Variants in EPHA6 observed in about 807,000 individuals in gnomAD.
The protein encoded by EPHA6 is EPH receptor A6, also known as ephrin type-A receptor 6.
Under a neutral mutation model 112.0 loss-of-function variants are expected in EPHA6, and 50 were observed. The ratio of observed to expected loss-of-function variants is 0.45; its 90% CI spans 0.36 to 0.56. The LOEUF is 0.56. EPHA6 is among the 20% of genes least tolerant of loss of function. EPHA6 has a pLI of 0.00. For synonymous variants in EPHA6, 529 were observed against 490.7 expected, an observed-to-expected ratio of 1.08 and a Z score of -1.03; for missense variants, 1,280 against 1,417.4, an observed-to-expected ratio of 0.90 and a Z score of 1.56.
At chr3:97,092,518 A>G (rs1304503552) in intron 3 of EPHA6, among the ~76,000 whole-genome samples, 2 of 152,024 alleles carry the variant, frequency 1.3e-5, no homozygotes, top group East Asian at 3.9e-4. Flanking sequence ...GTTTCTTTCA[A>G]TGAATGTGGA....
intron 14 of EPHA6, among the ~76,000 whole-genome samples, chr3:97,685,063 A>G (rs1362143433): frequency 2.0e-5 from 3 of 152,204 alleles, no homozygotes; most frequent in Admixed American, 6.5e-5. Context: ...ATGACAGCTG[A>G]TAAAGAAATT....
intron 5 of EPHA6, among the ~76,000 whole-genome samples, chr3:97,359,563 A>C (rs1046402852): frequency 3.3e-5 from 5 of 151,004 alleles, no homozygotes; most frequent in African/African-American, 7.3e-5. Flanking sequence ...GGTCTTTTTC[A>C]GGGACAGTTT....
chr3:97,690,276 G>A (rs754087068), intron 14 of EPHA6, among the ~76,000 whole-genome samples: 2 of 152,176 alleles, frequency 1.3e-5, no homozygotes, highest in Non-Finnish European at 2.9e-5. Context: ...AGGAATGAGG[G>A]TTCTAATTTC....
intron 16 of EPHA6, chr3:97,745,612 AC>A (rs1237886149): frequency 5.4e-6 from 1 of 185,448 alleles, no homozygotes; most frequent in Non-Finnish European, 1.1e-5. Flanking sequence ...AAAGAATACA[AC>A]CCCACCCTGT....
At chr3:97,647,904 TA>T (rs1470435716) in intron 14 of EPHA6, among the ~76,000 whole-genome samples, 1 of 152,108 alleles carries the variant, frequency 6.6e-6, no homozygotes, top group African/African-American at 2.4e-5. Flanking sequence ...CCTATTTACC[TA>T]AAAAGAACAT....
In EPHA6 at chr3:97,221,308, C is replaced by CAAA. The variant is rs57025573; in HGVS notation, c.1115-4929_1115-4927dup. 8.5e-4 allele frequency among the ~76,000 whole-genome samples: 14 copies of CAAA among 16,402 alleles called. 2 individuals carry two copies. Among genetic ancestry groups the CAAA allele is most frequent in the Non-Finnish European group, 1.6e-3 (9 of 5,566 alleles). 10.8% of individuals were successfully genotyped at this position (16,402 alleles called of 152,430 possible). On this transcript the variant is annotated intron_variant, in intron 3 of 17. Coordinates refer to ENST00000389672, the MANE Select transcript of EPHA6 (RefSeq NM_001080448.3). ...CTGGTGACAGAGCAAGACTCTGTCT[C>CAAA]AAAAAAAAAAAAAAAAAAAAAAAAA...
intron 1 of EPHA6, among the ~76,000 whole-genome samples, chr3:96,840,713 C>T (rs988974584): frequency 2.6e-5 from 4 of 151,964 alleles, no homozygotes; most frequent in African/African-American, 7.2e-5. Flanking sequence ...AGTACTGAGT[C>T]CTGATTACCG....
chr3:97,293,333 G>A (rs78768539), intron 5 of EPHA6, among the ~76,000 whole-genome samples: 4,044 of 152,224 alleles, frequency 0.027, 173 homozygotes, highest in African/African-American at 0.091. Context: ...GGAGACCCAG[G>A]GTAGGTTGCT....
At chr3:97,438,719 G>A (rs993579660) in intron 6 of EPHA6, among the ~76,000 whole-genome samples, 1 of 152,072 alleles carries the variant, frequency 6.6e-6, no homozygotes, top group Non-Finnish European at 1.5e-5. Flanking sequence ...TCATTGCCCT[G>A]GAATAAATGC....
chr3:97,370,205 G>C (rs1041420382), intron 5 of EPHA6, among the ~76,000 whole-genome samples: 2 of 152,154 alleles, frequency 1.3e-5, no homozygotes, highest in African/African-American at 4.8e-5. Context: ...CATTAATGGA[G>C]ATGATTTGAT....
chr3:96,814,632 C>T lies in EPHA6; in HGVS notation c.9C>T (p.Phe3=), dbSNP rs1467966236. 6.8e-7 allele frequency: 1 copy of T among 1,468,642 alleles called. No homozygotes were observed. Among genetic ancestry groups the T allele is most frequent in the South Asian group, 1.5e-5 (1 of 68,252 alleles). 91.0% of individuals were successfully genotyped at this position (1,468,642 alleles called of 1,614,324 possible). Residue 3 remains phenylalanine, a synonymous_variant, in exon 1 of 18, where the codon TTC becomes TTT. Coordinates refer to ENST00000389672, the MANE Select transcript of EPHA6 (RefSeq NM_001080448.3). ...GCGGGACACTGTGGTGGATGCAATT[C>T]CCCTCGCCTCCAGCCGCGAGGAGCT... The part of the protein sequence containing the change: MQ[F]PSPPAARSSP...
At chr3:96,967,970 CTGTATCCTTTGTCTTCTG>C (rs987489968) in intron 2 of EPHA6, among the ~76,000 whole-genome samples, 8 of 151,756 alleles carry the variant, frequency 5.3e-5, no homozygotes, top group South Asian at 4.1e-4. Flanking sequence ...CCTTTGTCTT[CTGTATCCTTTGTCTTCTG>C]TTATGAGCTA....
At chr3:97,656,421 T>A (rs577035395) in intron 14 of EPHA6, among the ~76,000 whole-genome samples, 11 of 152,042 alleles carry the variant, frequency 7.2e-5, no homozygotes, top group African/African-American at 2.6e-4. Context: ...CCATAGGGCC[T>A]ACCATAAGCC....
intron 3 of EPHA6, among the ~76,000 whole-genome samples, chr3:97,207,228 T>G (rs957250086): frequency 2.0e-5 from 3 of 152,136 alleles, no homozygotes; most frequent in African/African-American, 4.8e-5. Flanking sequence ...ATAAAAAAAT[T>G]GGTTGTATAA....
intron 16 of EPHA6, among the ~76,000 whole-genome samples, chr3:97,738,083 T>A (rs1023641551): frequency 6.6e-6 from 1 of 151,892 alleles, no homozygotes; most frequent in Non-Finnish European, 1.5e-5. Flanking sequence ...GCATTTTCAA[T>A]ACAGTTGCAT....
At chr3:97,295,901 C>T (rs184120914) in intron 5 of EPHA6, among the ~76,000 whole-genome samples, 10 of 152,118 alleles carry the variant, frequency 6.6e-5, no homozygotes, top group African/African-American at 2.4e-4. Flanking sequence ...ATGTTCAGGC[C>T]CCAGTGGTGG....
chr3:97,732,538 G>A (rs1002226277), intron 15 of EPHA6, among the ~76,000 whole-genome samples: 4 of 152,030 alleles, frequency 2.6e-5, no homozygotes, highest in African/African-American at 7.2e-5. Flanking sequence ...CCGTTTGGAT[G>A]AATAAATTTA....
At chr3:97,689,783 A>G (rs1458560433) in intron 14 of EPHA6, among the ~76,000 whole-genome samples, 1 of 152,114 alleles carries the variant, frequency 6.6e-6, no homozygotes, top group Non-Finnish European at 1.5e-5. Context: ...TCTCATACCC[A>G]TTAGCAGTCA....
intron 2 of EPHA6, among the ~76,000 whole-genome samples, chr3:96,931,777 A>G (rs1267407763): frequency 3.3e-5 from 5 of 152,142 alleles, no homozygotes. Context: ...CTTGTGAGGT[A>G]TCATGGAAGT....
Sources: allele counts gnomAD v4.1 joint callset (sites outside exome capture counted in the v4.1 genomes callset), GRCh38; gene constraint gnomAD v4.1.1; transcripts MANE v1.5; gene names NCBI Gene and HGNC (gene_info 2026-07-23, HGNC 2026-07-21).